ASTN2: variants seen among roughly 807,000 people sequenced by gnomAD.
ASTN2 encodes the protein astrotactin-2.
ASTN2 carries 54 observed loss-of-function variants against 139.8 expected under a neutral mutation model. The observed-to-expected ratio is 0.39, with a 90% CI of 0.31 to 0.48. ASTN2 has a LOEUF of 0.48. Among genes scored for constraint, ASTN2 ranks in the 20% least tolerant of loss-of-function variants. ASTN2 has a pLI of 0.95. For missense variants in ASTN2, 1,565 were observed against 1,725.1 expected (o/e 0.91, Z 1.64); for synonymous variants, 756 against 719.5 (o/e 1.05, Z -0.81).
chr9:116,869,252 AC>A (rs1833093126), intron 10 of ASTN2, among the ~76,000 whole-genome samples: 1 of 152,148 alleles, frequency 6.6e-6, no homozygotes, highest in African/African-American at 2.4e-5. Flanking sequence ...ATCTGTTATA[AC>A]CTTTTCTTAG....
intron 11 of ASTN2, among the ~76,000 whole-genome samples, chr9:116,861,421 A>T (rs914284593): frequency 9.9e-5 from 15 of 152,188 alleles, no homozygotes; most frequent in Admixed American, 9.8e-4. Context: ...AACACAGAAC[A>T]TCCTTTTGAG....
chr9:116,976,506 C>G (rs535962063), intron 8 of ASTN2, among the ~76,000 whole-genome samples, 195 bp downstream of exon 8: 2 of 152,278 alleles, frequency 1.3e-5, no homozygotes, highest in East Asian at 3.9e-4. Flanking sequence ...AGAATATTCA[C>G]CAATCATGTA....
intron 6 of ASTN2, among the ~76,000 whole-genome samples, chr9:117,018,709 G>A (rs1186858843): frequency 6.6e-6 from 1 of 152,100 alleles, no homozygotes; most frequent in East Asian, 1.9e-4. Flanking sequence ...TTCTCTGCTT[G>A]CTCATCTAAA....
chr9:117,040,046 T>C, intron 5 of ASTN2, 81 bp from the exon 6 acceptor site: 1 of 1,400,156 alleles, frequency 7.1e-7, no homozygotes, highest in Non-Finnish European at 9.6e-7. Flanking sequence ...GGAATTCTAT[T>C]ATTTTCCAGT....
chr9:117,108,440 C>A (rs1160583096), intron 4 of ASTN2, among the ~76,000 whole-genome samples: 1 of 128,656 alleles, frequency 7.8e-6, no homozygotes, highest in Admixed American at 7.4e-5. Context: ...CAAAACAAAA[C>A]ACACACACAC....
chr9:116,662,012 A>AG (rs1029924158), intron 16 of ASTN2, among the ~76,000 whole-genome samples: 7 of 151,492 alleles, frequency 4.6e-5, no homozygotes, highest in African/African-American at 7.2e-5. Context: ...TAAATTAAAA[A>AG]AAAAAAGAAA....
At chr9:117,004,276 T>G (rs1398841311) in intron 7 of ASTN2, among the ~76,000 whole-genome samples, 1 of 152,072 alleles carries the variant, frequency 6.6e-6, no homozygotes, top group African/African-American at 2.4e-5. Context: ...TGTGTCACCA[T>G]GCCTGGCTAA....
chr9:116,902,091 T>A (rs140476040), intron 10 of ASTN2, among the ~76,000 whole-genome samples: 106 of 152,188 alleles, frequency 7.0e-4, no homozygotes, highest in Non-Finnish European at 1.2e-3. Context: ...AAAAGTTAAC[T>A]GTTATAAAGC....
intron 16 of ASTN2, among the ~76,000 whole-genome samples, chr9:116,657,502 T>G (rs1478353782): frequency 1.3e-5 from 2 of 152,176 alleles, no homozygotes. Flanking sequence ...AGAGGAAATC[T>G]AACCAATTTC....
At chr9:117,394,241 G>A (rs1830615731) in intron 1 of ASTN2, among the ~76,000 whole-genome samples, 1 of 152,164 alleles carries the variant, frequency 6.6e-6, no homozygotes, top group African/African-American at 2.4e-5. Context: ...TTCATAGGCA[G>A]TGCTATCCAA....
At chr9:117,412,057 G>A (rs2130983262) in intron 1 of ASTN2, among the ~76,000 whole-genome samples, 1 of 146,154 alleles carries the variant, frequency 6.8e-6, no homozygotes, top group Admixed American at 7.0e-5. Flanking sequence ...GGCCAGCTAG[G>A]TCCTCCCAGA....
chr9:116,894,620 G>T (rs184518904), intron 10 of ASTN2, among the ~76,000 whole-genome samples: 16 of 152,268 alleles, frequency 1.1e-4, no homozygotes. Flanking sequence ...CTCCCAAGTT[G>T]CTGGGACTAC....
At chr9:116,560,334 A>AG (rs1165493514) in intron 19 of ASTN2, among the ~76,000 whole-genome samples, 1 of 152,156 alleles carries the variant, frequency 6.6e-6, no homozygotes, top group African/African-American at 2.4e-5. Flanking sequence ...GTAACTGCGG[A>AG]GGCAGTGATT....
At chr9:117,302,385 T>G (rs897055985) in intron 1 of ASTN2, among the ~76,000 whole-genome samples, 8 of 152,154 alleles carry the variant, frequency 5.3e-5, no homozygotes, top group South Asian at 2.1e-4. Context: ...AGCATCATGA[T>G]GCAGTGTTCT....
chr9:116,585,916 G>A (rs1242424214), intron 19 of ASTN2: 1 of 152,004 alleles, frequency 6.6e-6, no homozygotes, highest in East Asian at 1.9e-4. Context: ...TCCAACAGAA[G>A]TCTAATATTC....
chr9:116,604,524 G>A (rs994412773), intron 19 of ASTN2, among the ~76,000 whole-genome samples: 4 of 152,116 alleles, frequency 2.6e-5, no homozygotes, highest in African/African-American at 7.2e-5. Context: ...AGGCTGACCC[G>A]GAGTAAGCAG....
At chr9:116,766,478 C>T (rs908499452) in intron 13 of ASTN2, among the ~76,000 whole-genome samples, 2 of 151,102 alleles carry the variant, frequency 1.3e-5, no homozygotes, top group African/African-American at 4.9e-5. Flanking sequence ...TCAGTCACAT[C>T]ACACACACAA....
intron 16 of ASTN2, among the ~76,000 whole-genome samples, chr9:116,710,363 G>A (rs1680134346): frequency 6.6e-6 from 1 of 152,144 alleles, no homozygotes; most frequent in East Asian, 1.9e-4. Context: ...TTGGGTGGGG[G>A]TACATCCCAC....
At chr9:117,274,089 G>A (rs544054712) in intron 2 of ASTN2, among the ~76,000 whole-genome samples, 24 of 152,228 alleles carry the variant, frequency 1.6e-4, no homozygotes, top group Non-Finnish European at 2.8e-4. Flanking sequence ...GGTAGCTCAC[G>A]CCTGTAATCC....
Sources: gnomAD v4.1 joint callset for allele counts (sites outside exome capture counted in the v4.1 genomes callset) on GRCh38, gnomAD v4.1.1 for gene constraint, MANE v1.5 for transcripts, NCBI Gene and HGNC (gene_info 2026-07-23, HGNC 2026-07-21) for gene names.